DENND1B: variants seen among roughly 807,000 people sequenced by gnomAD.
DENND1B encodes the protein DENN domain containing 1B.
Under a neutral mutation model 90.1 loss-of-function variants are expected in DENND1B, and 59 were observed. That is an observed-to-expected ratio of 0.65 (90% CI 0.53 to 0.81). The LOEUF (loss-of-function observed/expected upper bound fraction) is 0.81. Ranked by LOEUF, DENND1B falls within the 40% of genes least tolerant of loss-of-function variation. DENND1B has a pLI of 0.00. For missense variants in DENND1B, 862 were observed against 912.6 expected, an observed-to-expected ratio of 0.94 and a Z score of 0.71; for synonymous variants, 337 against 324.6, an observed-to-expected ratio of 1.04 and a Z score of -0.41.
Position 197,546,754 on chromosome 1 carries a change from T to C in DENND1B, c.1260A>G (p.Gln420=), listed in dbSNP as rs1670843058. The C allele has an allele frequency of 6.5e-7, 1 of 1,546,938 alleles. No individual in the cohort carries two copies. The highest frequency in any genetic ancestry group is 8.7e-7 in the Non-Finnish European group (1 of 1,145,944). The change falls in exon 17 of 23, where the codon CAA becomes CAG. Residue 420 remains glutamine, a synonymous_variant. Coordinates refer to ENST00000620048, the MANE Select transcript of DENND1B (RefSeq NM_001195215.2). ...GFCGGNPRSY[Q]QWVHTVKKGG... ...TTACCTTGACTGTATGCACCCATTG[T>C]TGATATGACCTCGGGTTCCCTGGAA...
intron 2 of DENND1B, among the ~76,000 whole-genome samples, chr1:197,740,586 G>C (rs1055952083): frequency 2.0e-5 from 3 of 152,152 alleles, no homozygotes; most frequent in Non-Finnish European, 2.9e-5. Flanking sequence ...CCTTGCTTCA[G>C]TGAGTTGATA....
rs1185120805 is a variant in DENND1B at position 197,506,149 on chromosome 1, AAC to A, written c.*4309_*4310del. 2.6e-5 allele frequency: 4 copies of A among 151,800 alleles called. No individual in the cohort carries two copies. The highest frequency in any genetic ancestry group is 2.1e-4 in the South Asian group (1 of 4,830). 9.4% of individuals were successfully genotyped at this position (151,800 alleles called of 1,614,324 possible). Reference sequence around the variant, plus strand: ...ATGACCTTAAGGCATCTGCCAGAAAAACAGATGTACATATTTATATGAACTAA... The same window carrying A: ...ATGACCTTAAGGCATCTGCCAGAAAAAGATGTACATATTTATATGAACTAA... On this transcript the variant is annotated 3_prime_UTR_variant, in exon 23 of 23. Transcript: ENST00000620048.
At chr1:197,722,247 A>G (rs1558444346) in intron 2 of DENND1B, among the ~76,000 whole-genome samples, 1 of 152,108 alleles carries the variant, frequency 6.6e-6, no homozygotes, top group African/African-American at 2.4e-5. Flanking sequence ...ATGGATAGAA[A>G]CTTTGTATTT....
In DENND1B at chr1:197,546,723, T is replaced by C. The variant is rs1175152758; in HGVS notation, c.1281+10A>G. ...GAGTGAAAGAATAACATTTGAAAGC[T>C]TATGATTACCTTGACTGTATGCACC... On this transcript the variant is annotated intron_variant, in intron 17 of 22. Coordinates refer to ENST00000620048, the MANE Select transcript of DENND1B (RefSeq NM_001195215.2). 1.4e-5 allele frequency: 21 copies of C among 1,542,382 alleles called. No individual in the cohort carries two copies. Among genetic ancestry groups the C allele is most frequent in the Non-Finnish European group, 1.8e-5 (21 of 1,144,550 alleles).
chr1:197,506,184 A>C lies in DENND1B; in HGVS notation c.*4276T>G, dbSNP rs1667723298. The C allele has an allele frequency of 6.6e-6, 1 of 151,682 alleles. No homozygotes were observed. The highest frequency in any genetic ancestry group is 6.6e-5 in the Admixed American group (1 of 15,202). 9.4% of individuals were successfully genotyped at this position (151,682 alleles called of 1,614,324 possible). A position where few individuals can be genotyped will look rare whatever the true frequency, so the allele number is the denominator to read the frequency against. On this transcript the variant is annotated 3_prime_UTR_variant, in exon 23 of 23. Coordinates refer to ENST00000620048, the MANE Select transcript of DENND1B (RefSeq NM_001195215.2). ...CATATTTATATGAACTAAGTTATGCAAGAAAAATTATTGCACGAAATCCTA... is the reference window on the plus strand; with the variant it reads ...CATATTTATATGAACTAAGTTATGCCAGAAAAATTATTGCACGAAATCCTA...
At chr1:197,777,764 A>G (rs538958713), upstream of DENND1B, among the ~76,000 whole-genome samples, 3 of 152,302 alleles carry the variant, frequency 2.0e-5, no homozygotes, top group South Asian at 2.1e-4. Flanking sequence ...ATTGTTGTCA[A>G]AGAACATGGT....
intron 10 of DENND1B, among the ~76,000 whole-genome samples, chr1:197,625,060 C>T (rs528012220): frequency 1.3e-5 from 2 of 152,040 alleles, no homozygotes; most frequent in East Asian, 3.9e-4. Context: ...CTGGAAGTGA[C>T]AGGGAGAATG....
intron 3 of DENND1B, among the ~76,000 whole-genome samples, chr1:197,707,662 A>T (rs1659713317): frequency 6.8e-6 from 1 of 146,530 alleles, no homozygotes; most frequent in Non-Finnish European, 1.5e-5. Flanking sequence ...TATTATATAC[A>T]TATATAATAT....
intron 12 of DENND1B, among the ~76,000 whole-genome samples, chr1:197,609,275 T>G (rs1024665758): frequency 6.6e-6 from 1 of 150,756 alleles, no homozygotes; most frequent in Non-Finnish European, 1.5e-5. Flanking sequence ...CCTCTATGTT[T>G]AACTTTTCCA....
chr1:197,513,525 G>GT (rs1313933707), intron 20 of DENND1B, among the ~76,000 whole-genome samples: 1 of 150,640 alleles, frequency 6.6e-6, no homozygotes, highest in African/African-American at 2.4e-5. Context: ...CTGAATCTGG[G>GT]GGGTCACACT....
At chr1:197,643,353 C>T (rs902697095) in intron 9 of DENND1B, among the ~76,000 whole-genome samples, 3 of 152,018 alleles carry the variant, frequency 2.0e-5, no homozygotes, top group Admixed American at 6.6e-5. Context: ...GATGGGGTTT[C>T]ACCATGTTGG....
intron 2 of DENND1B, among the ~76,000 whole-genome samples, chr1:197,745,485 C>T (rs1663630975): frequency 6.6e-6 from 1 of 151,770 alleles, no homozygotes; most frequent in South Asian, 2.1e-4. Flanking sequence ...CTGGGGTGCC[C>T]CATCTCTCTT....
At chr1:197,631,844 T>C (rs1679357079) in intron 10 of DENND1B, among the ~76,000 whole-genome samples, 4 of 152,252 alleles carry the variant, frequency 2.6e-5, no homozygotes, top group Admixed American at 2.6e-4. Flanking sequence ...TGTGTGTATA[T>C]GCATACACAT....
At chr1:197,682,180 CT>C (rs1656758493) in intron 3 of DENND1B, among the ~76,000 whole-genome samples, 1 of 151,590 alleles carries the variant, frequency 6.6e-6, no homozygotes, top group South Asian at 2.1e-4. Flanking sequence ...TTAGCTAGTT[CT>C]TATATTCTGG....
At chr1:197,516,178 T>TAAGGA (rs1415103039) in intron 20 of DENND1B, among the ~76,000 whole-genome samples, 2 of 151,828 alleles carry the variant, frequency 1.3e-5, no homozygotes, top group Non-Finnish European at 2.9e-5. Flanking sequence ...TAAAACTGAT[T>TAAGGA]AATATGTTGT....
chr1:197,726,233 G>C (rs1661621664), intron 2 of DENND1B, among the ~76,000 whole-genome samples: 1 of 152,100 alleles, frequency 6.6e-6, no homozygotes, highest in Non-Finnish European at 1.5e-5. Flanking sequence ...CGTGGACCCA[G>C]TGATCTTGCT....
chr1:197,625,045 T>C (rs907001524), intron 10 of DENND1B, among the ~76,000 whole-genome samples: 9 of 152,116 alleles, frequency 5.9e-5, no homozygotes, highest in Non-Finnish European at 1.3e-4. Context: ...GTCTGATTGG[T>C]GTACCTGGAA....
At chr1:197,592,578 AGT>A (rs1433654675) in intron 14 of DENND1B, among the ~76,000 whole-genome samples, 5 of 152,206 alleles carry the variant, frequency 3.3e-5, no homozygotes, top group African/African-American at 1.2e-4. Flanking sequence ...GGCTATTAAA[AGT>A]GAGGATTAAA....
chr1:197,580,120 T>C (rs1005794621), intron 15 of DENND1B, among the ~76,000 whole-genome samples: 8 of 128,072 alleles, frequency 6.2e-5, no homozygotes, highest in Middle Eastern at 4.5e-3. Context: ...GAGATAAGAG[T>C]CTCACTCTGT....
Sources: gnomAD v4.1 joint callset for allele counts (sites outside exome capture counted in the v4.1 genomes callset) on GRCh38, gnomAD v4.1.1 for gene constraint, MANE v1.5 for transcripts, NCBI Gene and HGNC (gene_info 2026-07-23, HGNC 2026-07-21) for gene names.